DCLK3: variants seen among roughly 807,000 people sequenced by gnomAD.
The protein encoded by DCLK3 is doublecortin like kinase 3.
In DCLK3, 30 loss-of-function variants were observed where a neutral mutation model predicts 46.4. The observed-to-expected ratio is 0.65, with a 90% CI of 0.48 to 0.88. DCLK3 has a LOEUF of 0.88. Ranked by LOEUF, DCLK3 falls within the 40% of genes least tolerant of loss-of-function variation. The pLI is 0.00. For missense variants in DCLK3, 846 were observed against 907.1 expected, an observed-to-expected ratio of 0.93 and a Z score of 0.87; for synonymous variants, 401 against 339.2, an observed-to-expected ratio of 1.18 and a Z score of -2.00.
intron 2 of DCLK3, among the ~76,000 whole-genome samples, chr3:36,723,107 G>T (rs557196214): frequency 6.6e-6 from 1 of 152,306 alleles, no homozygotes; most frequent in East Asian, 1.9e-4. Context: ...AGATGGAAAT[G>T]AGGAACTTGT....
rs374342878 is a variant in DCLK3 at position 36,721,595 on chromosome 3, A to G, written c.2024T>C (p.Val675Ala). ...KLADFGLAKH[V>A]VRPIFTVCGT... ...ACACACAGTAAATATAGGTCTCACC[A>G]CATGCTTTGCAAGTCCAAAATCAGC... Residue 675 changes from valine (V) to alanine (A), a missense_variant, in exon 3 of 5, where the codon GTG becomes GCG. This residue lies in a region of DCLK3 where 247 missense variants were observed against 322.8 expected (regional missense o/e 0.77). Transcript: ENST00000636136. 1.2e-6 allele frequency: 2 copies of G among 1,614,114 alleles called. No homozygotes were observed. Among genetic ancestry groups the G allele is most frequent in the African/African-American group, 2.7e-5 (2 of 74,944 alleles).
At chr3:36,751,096 G>T (rs539210839) in intron 1 of DCLK3, among the ~76,000 whole-genome samples, 89 of 115,798 alleles carry the variant, frequency 7.7e-4, no homozygotes, top group African/African-American at 2.5e-3. Context: ...ACTCCCCGAA[G>T]TGTATTAAGA....
intron 2 of DCLK3, among the ~76,000 whole-genome samples, chr3:36,723,509 G>C (rs1475091014): frequency 6.6e-6 from 1 of 152,184 alleles, no homozygotes; most frequent in African/African-American, 2.4e-5. Context: ...TATCACAGGT[G>C]TAGAGACCTA....
rs1161340122 is a variant in DCLK3 at position 36,721,659 on chromosome 3, C to G, written c.1960G>C (p.Val654Leu). 6.2e-7 allele frequency: 1 copy of G among 1,613,862 alleles called. No homozygotes were observed. The highest frequency in any genetic ancestry group is 1.3e-5 in the African/African-American group (1 of 74,882). ...GTAGATTTGTCCTCATTTCGCTGAACCTGTAAGAAACCAAAATCCCCAAAC... is the reference window on the plus strand; with the variant it reads ...GTAGATTTGTCCTCATTTCGCTGAAGCTGTAAGAAACCAAAATCCCCAAAC... ...HRDLKPENLL[V>L]QRNEDKSTTL... Residue 654 changes from valine to leucine, a missense_variant and splice_region_variant, in exon 3 of 5, where the codon GTT becomes CTT. Physicochemically the swap from Val to Leu is conservative, Grantham distance 32. This residue lies in a region of DCLK3 where 247 missense variants were observed against 322.8 expected (regional missense o/e 0.77). Coordinates refer to ENST00000636136, the MANE Select transcript of DCLK3 (RefSeq NM_001394672.2).
rs530447954 is a variant in DCLK3, at chr3:36,718,035, G to T, written c.2235C>A (p.Pro745=). ...IIQLGHFEFL[P]PYWDNISDAA... ...CATCAGAGATATTGTCCCAGTAAGG[G>T]GGGAGGAACTCAAAGTGGCCCAGCT... Residue 745 remains proline (P), a synonymous_variant, in exon 4 of 5, where the codon CCC becomes CCA. Coordinates refer to ENST00000636136, the MANE Select transcript of DCLK3 (RefSeq NM_001394672.2). 2 of 1,613,994 alleles carry T rather than the reference G, an allele frequency of 1.2e-6. No homozygotes were observed.
Position 36,721,589 on chromosome 3 carries a change from C to G in DCLK3, c.2030G>C (p.Arg677Thr). The G allele has an allele frequency of 6.2e-7, 1 of 1,614,162 alleles. No homozygotes were observed. The highest frequency in any genetic ancestry group is 8.5e-7 in the Non-Finnish European group (1 of 1,180,016). Reference protein sequence around the residue: ...ADFGLAKHVVRPIFTVCGTPT... With the variant: ...ADFGLAKHVVTPIFTVCGTPT... ...GGTCCCACACACAGTAAATATAGGTCTCACCACATGCTTTGCAAGTCCAAA... is the reference window on the plus strand; with the variant it reads ...GGTCCCACACACAGTAAATATAGGTGTCACCACATGCTTTGCAAGTCCAAA... Residue 677 changes from arginine to threonine, a missense_variant, in exon 3 of 5, where the codon AGA (arginine) becomes ACA (threonine). Arg to Thr is a moderately conservative substitution (Grantham distance 71, BLOSUM62 -1). Transcript: ENST00000636136.
chr3:36,723,182 C>T (rs1471740965), intron 2 of DCLK3, among the ~76,000 whole-genome samples: 3 of 152,120 alleles, frequency 2.0e-5, no homozygotes, highest in South Asian at 2.1e-4. Context: ...TTTGCCCCTG[C>T]CCTAGAGATT....
rs187999484 is a variant in DCLK3, at chr3:36,742,867, G to A, written c.83-3783C>T. Among the ~76,000 whole-genome samples the A allele has an allele frequency of 6.6e-5, 10 of 152,234 alleles. No individual in the cohort carries two copies. In the East Asian group the frequency reaches 1.5e-3, roughly 24 times the overall value. ...GGCCTGGGGCTCAGTCTCCGGGAAC[G>A]TGCTCATGCCCCAGGACAACTGCAC... On this transcript the variant is annotated intron_variant, in intron 1 of 4. Transcript: ENST00000636136.
intron 1 of DCLK3, among the ~76,000 whole-genome samples, chr3:36,740,931 T>C (rs1701338047): frequency 6.6e-6 from 1 of 152,250 alleles, no homozygotes; most frequent in South Asian, 2.1e-4. Context: ...TTTTTTGTTT[T>C]TTAATTATAA....
Position 36,714,360 on chromosome 3 carries a change from A to G in DCLK3, c.*968T>C, listed in dbSNP as rs1700948670. On this transcript the variant is annotated 3_prime_UTR_variant, in exon 5 of 5. Transcript: ENST00000636136. ...ATCTAGGAAGGTCAATTTGGGAAATATTAGGATATGTCTTGCTGTCAGCTC... is the reference window on the plus strand; with the variant it reads ...ATCTAGGAAGGTCAATTTGGGAAATGTTAGGATATGTCTTGCTGTCAGCTC... The G allele has an allele frequency of 6.6e-6, 1 of 152,200 alleles. No homozygotes were observed. Among genetic ancestry groups the G allele is most frequent in the Non-Finnish European group, 1.5e-5 (1 of 68,040 alleles). 9.4% of individuals were successfully genotyped at this position (152,200 alleles called of 1,614,324 possible).
intron 1 of DCLK3, 65 bp from the exon 2 acceptor site, chr3:36,739,149 C>T: frequency 2.5e-6 from 1 of 397,746 alleles, no homozygotes; most frequent in Non-Finnish European, 4.4e-6. Flanking sequence ...CAGCCTTCAC[C>T]AAAACTTTAC....
intron 1 of DCLK3, among the ~76,000 whole-genome samples, chr3:36,752,141 A>G (rs1701448058): frequency 6.6e-6 from 1 of 152,186 alleles, no homozygotes; most frequent in Admixed American, 6.5e-5. Flanking sequence ...CACTTTACCC[A>G]GGAGGTCACA....
chr3:36,761,504 A>G (rs1701538871), intron 1 of DCLK3, among the ~76,000 whole-genome samples: 1 of 152,172 alleles, frequency 6.6e-6, no homozygotes, highest in South Asian at 2.1e-4. Flanking sequence ...ATTACCAAGC[A>G]GTTAACAAAA....
chr3:36,742,672 C>T (rs754207275), intron 1 of DCLK3, among the ~76,000 whole-genome samples: 5 of 152,208 alleles, frequency 3.3e-5, no homozygotes, highest in African/African-American at 1.2e-4. Flanking sequence ...ATGCAACCTT[C>T]GGATGCACTG....
Position 36,764,212 on chromosome 3 carries a change from C to CCGGCG in DCLK3, c.51_52insCGCCG (p.Ala18ArgfsTer22). The CCGGCG allele has an allele frequency of 3.0e-6, 1 of 330,706 alleles. No individual in the cohort carries two copies. Among genetic ancestry groups the CCGGCG allele is most frequent in the Non-Finnish European group, 5.5e-6 (1 of 182,446 alleles). The allele number at this position is 330,706 out of a possible 1,614,324, so 20.5% of individuals were successfully genotyped here. On this transcript the variant is annotated frameshift_variant, in exon 1 of 5. Coordinates refer to ENST00000636136, the MANE Select transcript of DCLK3 (RefSeq NM_001394672.2). LOFTEE classifies it high-confidence loss of function. This position sits in a 1 kb window ranked among gnomAD's most constrained non-coding sequence, Gnocchi z 4.9. Reference sequence around the variant, plus strand: ...GCAGGCCGCGCCGGGCAGGCTGGGGCTGGCCGGGCCGGGGGCGGCGGCGGC... The same window carrying CCGGCG: ...GCAGGCCGCGCCGGGCAGGCTGGGGCCGGCGTGGCCGGGCCGGGGGCGGCGGCGGC...
At chr3:36,722,392 A>G (rs1575135567) in intron 2 of DCLK3, among the ~76,000 whole-genome samples, 2 of 152,370 alleles carry the variant, frequency 1.3e-5, no homozygotes, top group South Asian at 2.1e-4. Context: ...AAAAGTAATC[A>G]CACAAGGATA....
At chr3:36,745,875 A>T (rs1393940507) in intron 1 of DCLK3, among the ~76,000 whole-genome samples, 1 of 152,238 alleles carries the variant, frequency 6.6e-6, no homozygotes, top group Non-Finnish European at 1.5e-5. Context: ...ACGAATAAAA[A>T]ATTGGAATGA....
In DCLK3 at chr3:36,712,977, A is replaced by G. The variant is rs917449187; in HGVS notation, c.*2351T>C. ...AAGTGGAATATCATATGGTAGGTAC[A>G]TGTTTAACTTTTAAAGGAACTACCA... On this transcript the variant is annotated 3_prime_UTR_variant, in exon 5 of 5. Transcript: ENST00000636136. 2 of 152,216 alleles carry G rather than the reference A, an allele frequency of 1.3e-5. No homozygotes were observed. The highest frequency in any genetic ancestry group is 1.3e-4 in the Admixed American group (2 of 15,282). The allele number at this position is 152,216 out of a possible 1,614,324, so 9.4% of individuals were successfully genotyped here. A position where few individuals can be genotyped will look rare whatever the true frequency, so the allele number is the denominator to read the frequency against.
Position 36,737,816 on chromosome 3 carries a change from C to G in DCLK3, c.1351G>C (p.Ala451Pro), listed in dbSNP as rs754695850. The change falls in exon 2 of 5, where the codon GCG becomes CCG. Residue 451 changes from alanine to proline, a missense_variant. Ala to Pro is a conservative substitution (Grantham distance 27, BLOSUM62 -1). This residue lies in a region of DCLK3 where 553 missense variants were observed against 543.0 expected (regional missense o/e 1.02). Transcript: ENST00000636136. This position sits in a 1 kb window ranked among gnomAD's most constrained non-coding sequence, Gnocchi z 4.4. Reference sequence around the variant, plus strand: ...GTCCTGCGGAGCTTCTCAAAGCCCGCCTGGTGCTCTCTCAGGAGCCAGCCA... The same window carrying G: ...GTCCTGCGGAGCTTCTCAAAGCCCGGCTGGTGCTCTCTCAGGAGCCAGCCA... ...HGGWLLREHQ[A>P]GFEKLRRTRG... 1.4e-5 allele frequency: 23 copies of G among 1,614,114 alleles called. No individual in the cohort carries two copies. The Admixed American group carries it at 3.8e-4, about 27-fold the overall frequency.
Sources: allele counts gnomAD v4.1 joint callset (sites outside exome capture counted in the v4.1 genomes callset), GRCh38; gene constraint gnomAD v4.1.1; regional missense constraint gnomAD v4.1.1; non-coding constraint Gnocchi (gnomAD v3.1); transcripts MANE v1.5; gene names NCBI Gene and HGNC (gene_info 2026-07-23, HGNC 2026-07-21).